The following ARL15 variants were observed in gnomAD, a reference collection of about 807,000 sequenced individuals.
The protein encoded by ARL15 is ADP-ribosylation factor-like protein 15.
ARL15 carries 19 observed loss-of-function variants against 25.2 expected under a neutral mutation model. The ratio of observed to expected loss-of-function variants is 0.75; its 90% CI spans 0.53 to 1.10. The LOEUF (loss-of-function observed/expected upper bound fraction) is 1.10, where lower values mean the gene tolerates loss of function less well. Among genes scored for constraint, ARL15 ranks in the 50% least tolerant of loss-of-function variants. The pLI, the probability that ARL15 is intolerant of heterozygous loss-of-function variation, is 0.00. For missense variants in ARL15, 220 were observed against 246.0 expected (o/e 0.89, Z 0.71); for synonymous variants, 94 against 86.8 (o/e 1.08, Z -0.46).
intron 4 of ARL15, among the ~76,000 whole-genome samples, chr5:53,978,871 A>G (rs887729398): frequency 1.3e-5 from 2 of 152,188 alleles, no homozygotes; most frequent in African/African-American, 4.8e-5. Flanking sequence ...GAATGAGAAA[A>G]GTGTATTTAT....
chr5:53,977,026 T>C (rs1262697942), intron 4 of ARL15, among the ~76,000 whole-genome samples: 2 of 152,154 alleles, frequency 1.3e-5, no homozygotes, highest in African/African-American at 4.8e-5. Context: ...CTCCAAATTA[T>C]AATGTGAAAA....
chr5:54,169,149 T>C (rs764872700), intron 2 of ARL15, among the ~76,000 whole-genome samples: 38 of 152,078 alleles, frequency 2.5e-4, no homozygotes, highest in Non-Finnish European at 4.1e-4. Flanking sequence ...AAAACATAAC[T>C]TACAAGTAAG....
chr5:54,088,878 A>G (rs568137376), intron 4 of ARL15, among the ~76,000 whole-genome samples: 1 of 152,238 alleles, frequency 6.6e-6, no homozygotes, highest in South Asian at 2.1e-4. Flanking sequence ...CAAATTCAGG[A>G]TGGGACCAAT....
chr5:54,023,364 G>A (rs2111850313), intron 4 of ARL15, among the ~76,000 whole-genome samples: 1 of 152,090 alleles, frequency 6.6e-6, no homozygotes, highest in South Asian at 2.1e-4. Context: ...CCTCAGGAAG[G>A]CAGGAAAAAC....
In ARL15 at chr5:54,301,729, T is replaced by C. The variant is rs549961234; in HGVS notation, c.48+8703A>G. Reference sequence around the variant, plus strand: ...GTCCTGGAGTGCCTCCAGATTGTCATTCCCTTCCCCAAGAGAAAGAGAGAG... The same window carrying C: ...GTCCTGGAGTGCCTCCAGATTGTCACTCCCTTCCCCAAGAGAAAGAGAGAG... On this transcript the variant is annotated intron_variant, in intron 1 of 4. Transcript: ENST00000504924. Among the ~76,000 whole-genome samples, 5 of 152,310 alleles carry C rather than the reference T, an allele frequency of 3.3e-5. No homozygotes were observed. The East Asian group carries it at 5.8e-4, about 18-fold the overall frequency.
intron 1 of ARL15, among the ~76,000 whole-genome samples, chr5:54,260,134 C>T (rs1757465092): frequency 6.6e-6 from 1 of 152,288 alleles, no homozygotes. Context: ...GCCATCCTAG[C>T]GTGAGGTATA....
intron 4 of ARL15, among the ~76,000 whole-genome samples, chr5:53,977,207 A>G (rs1747958747): frequency 6.6e-6 from 1 of 152,044 alleles, no homozygotes; most frequent in Admixed American, 6.6e-5. Context: ...AATACAAAAA[A>G]TTAGCCGGGC....
At chr5:54,252,569 G>A (rs1757260289) in intron 1 of ARL15, among the ~76,000 whole-genome samples, 1 of 152,162 alleles carries the variant, frequency 6.6e-6, no homozygotes, top group African/African-American at 2.4e-5. Context: ...CACAGGATGA[G>A]GGTCAATCAG....
chr5:54,176,142 G>A (rs966189880), intron 1 of ARL15, among the ~76,000 whole-genome samples: 4 of 152,116 alleles, frequency 2.6e-5, no homozygotes, highest in African/African-American at 7.2e-5. Flanking sequence ...TAAAACAAAA[G>A]CCTCCCCACA....
At chr5:54,098,789 T>C (rs1752357634) in intron 4 of ARL15, among the ~76,000 whole-genome samples, 1 of 152,184 alleles carries the variant, frequency 6.6e-6, no homozygotes, top group Admixed American at 6.5e-5. Flanking sequence ...AGTCTACAAC[T>C]AATCCTTAAA....
At chr5:53,942,711 A>T (rs1561159134) in intron 4 of ARL15, among the ~76,000 whole-genome samples, 1 of 152,184 alleles carries the variant, frequency 6.6e-6, no homozygotes, top group Non-Finnish European at 1.5e-5. Flanking sequence ...GCGCCACTGC[A>T]CTCCAGCCTG....
chr5:54,297,321 T>C (rs74384419), intron 1 of ARL15, among the ~76,000 whole-genome samples: 4,840 of 152,290 alleles, frequency 0.032, 109 homozygotes, highest in Non-Finnish European at 0.047. Context: ...GGGCAGAGAA[T>C]TGGTAGTTTG....
In ARL15 at chr5:54,062,087, G is replaced by A. The variant is rs750089825; in HGVS notation, c.462+51115C>T. Among the ~76,000 whole-genome samples the A allele has an allele frequency of 1.3e-5, 2 of 152,190 alleles. 1 individual carries two copies. Among genetic ancestry groups the A allele is most frequent in the Non-Finnish European group, 2.9e-5 (2 of 68,036 alleles). ...GCCCCACTGGATTTCGGACTTACAA[G>A]GGGCCTGTAGCCCTTTTGTTTTGGT... On this transcript the variant is annotated intron_variant, in intron 4 of 4. Transcript: ENST00000504924.
chr5:54,179,918 C>T (rs759160771), intron 1 of ARL15, among the ~76,000 whole-genome samples: 4 of 150,694 alleles, frequency 2.7e-5, no homozygotes, highest in African/African-American at 9.7e-5. Flanking sequence ...CTCAGGAGGC[C>T]GAGGCAGGAG....
chr5:54,009,225 G>A (rs1414056944), intron 4 of ARL15, among the ~76,000 whole-genome samples: 1 of 152,172 alleles, frequency 6.6e-6, no homozygotes, highest in East Asian at 1.9e-4. Context: ...CCACAAAGTT[G>A]CTTTCGACTT....
chr5:54,026,249 A>C (rs1442579090), intron 4 of ARL15, among the ~76,000 whole-genome samples: 1 of 152,130 alleles, frequency 6.6e-6, no homozygotes, highest in Non-Finnish European at 1.5e-5. Context: ...CACATACCAA[A>C]ATTATAGCTT....
intron 1 of ARL15, among the ~76,000 whole-genome samples, chr5:54,217,717 C>T (rs565670692): frequency 2.6e-5 from 4 of 151,920 alleles, no homozygotes; most frequent in East Asian, 3.9e-4. Context: ...ATGTTACCCT[C>T]GGTAGAATTA....
chr5:53,906,677 T>C (rs1367449378), intron 4 of ARL15, among the ~76,000 whole-genome samples: 1 of 152,228 alleles, frequency 6.6e-6, no homozygotes, highest in African/African-American at 2.4e-5. Flanking sequence ...ACTCTATCCT[T>C]ATAGGCAAGG....
intron 4 of ARL15, among the ~76,000 whole-genome samples, chr5:54,103,432 A>G (rs745423303): frequency 5.9e-5 from 9 of 152,194 alleles, no homozygotes; most frequent in Non-Finnish European, 7.3e-5. Flanking sequence ...CATGGTATCA[A>G]TCCTCGAAGT....
Sources: gnomAD v4.1 joint callset for allele counts (sites outside exome capture counted in the v4.1 genomes callset) on GRCh38, gnomAD v4.1.1 for gene constraint, MANE v1.5 for transcripts, NCBI Gene and HGNC (gene_info 2026-07-23, HGNC 2026-07-21) for gene names.